The following FAF2 variants were observed in gnomAD, a reference collection of about 807,000 sequenced individuals.
FAF2 encodes the protein Fas associated factor family member 2.
A neutral mutation model predicts 62.3 loss-of-function variants in FAF2; 9 were observed. The ratio of observed to expected loss-of-function variants is 0.14; its 90% CI spans 0.09 to 0.25. The LOEUF is 0.25. Among genes scored for constraint, FAF2 ranks in the 10% least tolerant of loss-of-function variants. The pLI, the probability that FAF2 is intolerant of heterozygous loss-of-function variation, is 1.00. For synonymous variants in FAF2, 202 were observed against 198.0 expected (o/e 1.02, Z -0.17); for missense variants, 368 against 556.2 (o/e 0.66, Z 3.40).
rs1192328617 is a variant in FAF2, at chr5:176,494,109, C to G, written c.569+25C>G. On this transcript the variant is annotated intron_variant, in intron 6 of 10. Coordinates refer to ENST00000261942, the MANE Select transcript of FAF2 (RefSeq NM_014613.3). The surrounding 1 kb of genome is among the most constrained non-coding windows in gnomAD (Gnocchi z 4.0). ...GGTAAGTGGATTGATTATTTTCCTT[C>G]TCTTTTCTGACTCTTTCTGGTGACA... The G allele has an allele frequency of 1.2e-6, 2 of 1,611,640 alleles. No individual in the cohort carries two copies. The highest frequency in any genetic ancestry group is 4.5e-5 in the East Asian group (2 of 44,850).
At chr5:176,452,216 C>G (rs1758200556) in intron 1 of FAF2, among the ~76,000 whole-genome samples, 1 of 151,804 alleles carries the variant, frequency 6.6e-6, no homozygotes, top group South Asian at 2.1e-4. Context: ...TGCCACCATG[C>G]CTGGCTAATT....
At chr5:176,498,372 A>G (rs1755535648) in intron 8 of FAF2, among the ~76,000 whole-genome samples, 1 of 152,170 alleles carries the variant, frequency 6.6e-6, no homozygotes, top group Non-Finnish European at 1.5e-5. Flanking sequence ...AACTATTTTG[A>G]TTGGCTAAAT....
At chr5:176,470,783 T>C (rs1313297729) in intron 1 of FAF2, among the ~76,000 whole-genome samples, 1 of 152,232 alleles carries the variant, frequency 6.6e-6, no homozygotes, top group African/African-American at 2.4e-5. Context: ...AAAACGATCC[T>C]GCTGACTAGC....
At position 176,506,699 on chromosome 5, in the gene FAF2, G is replaced by A. The variant is rs1005401630; in HGVS notation, c.1156-69G>A. The A allele has an allele frequency of 7.0e-6, 6 of 855,512 alleles. No individual in the cohort carries two copies. The Admixed American group carries it at 1.1e-4, about 16-fold the overall frequency. The allele number at this position is 855,512 out of a possible 1,614,324, so 53.0% of individuals were successfully genotyped here. A position where few individuals can be genotyped will look rare whatever the true frequency, so the allele number is the denominator to read the frequency against. ...TATTTGACTTCAGAGTTGTGTGTGC[G>A]TGTGTGCGTGTGTGTGTGTGTATTT... On this transcript the variant is annotated intron_variant, in intron 10 of 10. Coordinates refer to ENST00000261942, the MANE Select transcript of FAF2 (RefSeq NM_014613.3).
At chr5:176,458,531 G>C (rs959727648) in intron 1 of FAF2, among the ~76,000 whole-genome samples, 1 of 133,402 alleles carries the variant, frequency 7.5e-6, no homozygotes, top group Non-Finnish European at 1.5e-5. Context: ...AGCTTCCCGA[G>C]TAGCTGGGAT....
At chr5:176,483,417 A>G (rs935892140) in intron 2 of FAF2, among the ~76,000 whole-genome samples, 1 of 152,032 alleles carries the variant, frequency 6.6e-6, no homozygotes, top group African/African-American at 2.4e-5. Flanking sequence ...GATGTATTTG[A>G]TGTATTTGTA....
intron 1 of FAF2, among the ~76,000 whole-genome samples, chr5:176,475,892 T>A (rs1008716250): frequency 1.3e-5 from 2 of 152,236 alleles, no homozygotes; most frequent in Admixed American, 6.5e-5. Context: ...TTACTGATTT[T>A]CAGGAAAATT....
intron 1 of FAF2, among the ~76,000 whole-genome samples, chr5:176,457,215 G>A (rs1002648723): frequency 1.3e-5 from 2 of 152,112 alleles, no homozygotes; most frequent in African/African-American, 2.4e-5. Flanking sequence ...TTGAGACGGA[G>A]TTTCGCTGTT....
chr5:176,501,240 G>T (rs1244573276), intron 10 of FAF2, among the ~76,000 whole-genome samples: 2 of 152,272 alleles, frequency 1.3e-5, no homozygotes, highest in East Asian at 3.9e-4. Flanking sequence ...ACTATTTTTG[G>T]TATTTGTAAC....
chr5:176,508,666 T>C lies in FAF2; in HGVS notation c.*1716T>C, dbSNP rs1233581327. The C allele has an allele frequency of 2.0e-5, 3 of 152,196 alleles. No individual in the cohort carries two copies. The highest frequency in any genetic ancestry group is 1.9e-4 in the East Asian group (1 of 5,198). 9.4% of individuals were successfully genotyped at this position (152,196 alleles called of 1,614,324 possible). On this transcript the variant is annotated 3_prime_UTR_variant, in exon 11 of 11. Coordinates refer to ENST00000261942, the MANE Select transcript of FAF2 (RefSeq NM_014613.3). Reference sequence around the variant, plus strand: ...ATTTAATTCTGTCCCTGGCCAGCTATTGTTCTTCCACTTCGTTTTCTGCTG... The same window carrying C: ...ATTTAATTCTGTCCCTGGCCAGCTACTGTTCTTCCACTTCGTTTTCTGCTG...
At chr5:176,476,674 C>T (rs1285453895) in intron 1 of FAF2, among the ~76,000 whole-genome samples, 1 of 138,734 alleles carries the variant, frequency 7.2e-6, no homozygotes, top group African/African-American at 2.7e-5. Context: ...GCTCTGTCAC[C>T]TAGGCTGGAG....
At chr5:176,475,674 A>G (rs1758675885) in intron 1 of FAF2, among the ~76,000 whole-genome samples, 1 of 152,140 alleles carries the variant, frequency 6.6e-6, no homozygotes, top group Admixed American at 6.5e-5. Flanking sequence ...GAGCCAAGGC[A>G]GGAGAATCAC....
chr5:176,499,231 C>T (rs958429803), intron 9 of FAF2, 146 bp downstream of exon 9: 1 of 699,900 alleles, frequency 1.4e-6, no homozygotes, highest in African/African-American at 1.8e-5. Flanking sequence ...GAAAAAATTA[C>T]AACATGTTGG....
intron 1 of FAF2, among the ~76,000 whole-genome samples, chr5:176,463,692 C>T (rs1004074013): frequency 4.0e-5 from 6 of 149,358 alleles, no homozygotes; most frequent in African/African-American, 9.9e-5. Flanking sequence ...GAAGCTAGTG[C>T]GTGGTAGAAT....
rs1343396369 is a variant in FAF2, at chr5:176,492,305, T to C, written c.456T>C (p.Pro152=). Residue 152 remains proline, a synonymous_variant, in exon 5 of 11, where the codon CCT becomes CCC. Transcript: ENST00000261942. ...AAGAGAAATATGGGAGGGCACACCCTGTCTTCTACCAGGGAACGTACAGCC... is the reference window on the plus strand; with the variant it reads ...AAGAGAAATATGGGAGGGCACACCCCGTCTTCTACCAGGGAACGTACAGCC... ...SFEEKYGRAH[P]VFYQGTYSQA... is the part of the protein sequence containing the mutation. The C allele has an allele frequency of 6.2e-7, 1 of 1,614,034 alleles. No individual in the cohort carries two copies. The highest frequency in any genetic ancestry group is 8.5e-7 in the Non-Finnish European group (1 of 1,179,962).
chr5:176,457,981 C>T (rs1475918490), intron 1 of FAF2, among the ~76,000 whole-genome samples: 1 of 152,194 alleles, frequency 6.6e-6, no homozygotes, highest in Non-Finnish European at 1.5e-5. Context: ...CTGGACTAAA[C>T]TTGTATAACT....
At chr5:176,486,853 G>A (rs972314960) in intron 3 of FAF2, among the ~76,000 whole-genome samples, 5 of 152,212 alleles carry the variant, frequency 3.3e-5, no homozygotes, top group Non-Finnish European at 7.3e-5. Flanking sequence ...TGAAGGGCTA[G>A]TAGCAAGGAG....
At chr5:176,482,256 GGCACAGGCTAGAGT>G (rs2113734513) in intron 2 of FAF2, among the ~76,000 whole-genome samples, 1 of 142,558 alleles carries the variant, frequency 7.0e-6, no homozygotes, top group Admixed American at 7.2e-5. Context: ...TTCACTCTGT[GGCACAGGCTAGAGT>G]GCAGAGGCGT....
At chr5:176,458,374 G>A (rs1380848101) in intron 1 of FAF2, among the ~76,000 whole-genome samples, 1 of 145,002 alleles carries the variant, frequency 6.9e-6, no homozygotes, top group Non-Finnish European at 1.5e-5. Context: ...GAGCCACCAC[G>A]TCTGGCCTCA....
Sources: allele counts gnomAD v4.1 joint callset (sites outside exome capture counted in the v4.1 genomes callset), GRCh38; gene constraint gnomAD v4.1.1; non-coding constraint Gnocchi (gnomAD v3.1); transcripts MANE v1.5; gene names NCBI Gene and HGNC (gene_info 2026-07-23, HGNC 2026-07-21).